Variants in EIPR1 observed in about 807,000 individuals in gnomAD.
EIPR1 encodes the protein EARP complex and GARP complex interacting protein 1, also known as EARP and GARP complex-interacting protein 1.
Under a neutral mutation model 48.1 loss-of-function variants are expected in EIPR1, and 25 were observed. The ratio of observed to expected loss-of-function variants is 0.52; its 90% CI spans 0.38 to 0.73. EIPR1 has a LOEUF of 0.73. EIPR1 is among the 30% of genes least tolerant of loss of function. EIPR1 has a pLI of 0.00. For synonymous variants in EIPR1, 204 were observed against 201.9 expected, an observed-to-expected ratio of 1.01 and a Z score of -0.09; for missense variants, 415 against 506.2, an observed-to-expected ratio of 0.82 and a Z score of 1.73.
intron 3 of EIPR1, among the ~76,000 whole-genome samples, chr2:3,330,327 A>G (rs1452707155): frequency 6.6e-6 from 1 of 152,256 alleles, no homozygotes; most frequent in East Asian, 1.9e-4. Context: ...AATGGCTTGC[A>G]CTAGTATAAC....
chr2:3,366,829 C>T lies in EIPR1; in HGVS notation c.42+10819G>A, dbSNP rs769654759. 6.6e-5 allele frequency among the ~76,000 whole-genome samples: 10 copies of T among 152,126 alleles called. No individual in the cohort carries two copies. In the East Asian group the frequency reaches 1.5e-3, roughly 23 times the overall value. On this transcript the variant is annotated intron_variant, in intron 1 of 8. Coordinates refer to ENST00000382125, the MANE Select transcript of EIPR1 (RefSeq NM_003310.5). ...CAGCACTTTGGGATGCCAAGGCAGA[C>T]GGAACACGAGGTCAGGAGTTCGAGA...
intron 1 of EIPR1, among the ~76,000 whole-genome samples, chr2:3,359,333 T>C (rs537322274): frequency 6.6e-6 from 1 of 152,280 alleles, no homozygotes; most frequent in African/African-American, 2.4e-5. Flanking sequence ...GTGACAACAA[T>C]GAACCGGTAT....
At chr2:3,254,672 A>C (rs1572360031) in intron 4 of EIPR1, among the ~76,000 whole-genome samples, 2 of 152,368 alleles carry the variant, frequency 1.3e-5, no homozygotes, top group East Asian at 1.9e-4. Context: ...GATAGAGTAC[A>C]GATTCGGGGT....
chr2:3,371,298 G>A (rs1309057614), intron 1 of EIPR1, among the ~76,000 whole-genome samples: 1 of 152,168 alleles, frequency 6.6e-6, no homozygotes, highest in Non-Finnish European at 1.5e-5. Flanking sequence ...AAAATGTAAA[G>A]ACCATCGACA....
intron 5 of EIPR1, among the ~76,000 whole-genome samples, chr2:3,201,828 T>A (rs1285956015): frequency 1.3e-5 from 2 of 152,230 alleles, no homozygotes; most frequent in Admixed American, 6.5e-5. Flanking sequence ...TAGCAATGAT[T>A]CGAGTGTACA....
chr2:3,351,059 T>C (rs1441509641), intron 2 of EIPR1, among the ~76,000 whole-genome samples: 3 of 149,554 alleles, frequency 2.0e-5, no homozygotes, highest in African/African-American at 7.3e-5. Context: ...AGTGCAGTGG[T>C]GCGATCTCGG....
chr2:3,208,463 T>G (rs1384738202), intron 5 of EIPR1: 10 of 1,500,356 alleles, frequency 6.7e-6, no homozygotes, highest in Non-Finnish European at 8.0e-6. Flanking sequence ...AGCTTTCCTC[T>G]TCTCATCTGT....
chr2:3,335,371 A>G (rs1448423766), intron 3 of EIPR1, among the ~76,000 whole-genome samples: 1 of 152,168 alleles, frequency 6.6e-6, no homozygotes, highest in Admixed American at 6.5e-5. Flanking sequence ...CAGAAAAAGC[A>G]GAGCTTGCCT....
intron 1 of EIPR1, among the ~76,000 whole-genome samples, chr2:3,369,332 T>C (rs1161258918): frequency 6.6e-6 from 1 of 152,184 alleles, no homozygotes; most frequent in East Asian, 1.9e-4. Context: ...ATTTCTGCAT[T>C]TCCATATGAG....
Position 3,196,909 on chromosome 2 carries a change from G to T in EIPR1, c.625C>A (p.Leu209Ile). Residue 209 changes from leucine (L) to isoleucine (I), a missense_variant, in exon 6 of 9, where the codon CTC becomes ATC. Transcript: ENST00000382125. The part of the protein sequence containing the change: ...TQVATANDTT[L>I]RGWDTRSMSQ... Reference sequence around the variant, plus strand: ...ATGCTCCGGGTGTCCCAGCCACGGAGGGTGGTGTCGTTCGCTGTGGCCACC... The same window carrying T: ...ATGCTCCGGGTGTCCCAGCCACGGATGGTGGTGTCGTTCGCTGTGGCCACC... The T allele has an allele frequency of 6.2e-7, 1 of 1,613,920 alleles. No individual in the cohort carries two copies. Among genetic ancestry groups the T allele is most frequent in the Non-Finnish European group, 8.5e-7 (1 of 1,180,000 alleles).
chr2:3,318,780 G>A (rs1669397237), intron 3 of EIPR1: 5 of 458,876 alleles, frequency 1.1e-5, no homozygotes, highest in South Asian at 1.6e-5. Context: ...ATCTGGTGAC[G>A]TGCTACTCCT....
intron 3 of EIPR1, among the ~76,000 whole-genome samples, chr2:3,263,709 C>T (rs1321416929): frequency 6.6e-6 from 1 of 152,086 alleles, no homozygotes; most frequent in South Asian, 2.1e-4. Flanking sequence ...CGGCCAGCGC[C>T]TTCCCCAGGA....
intron 3 of EIPR1, among the ~76,000 whole-genome samples, chr2:3,267,744 C>T (rs1294388691): frequency 3.9e-5 from 6 of 152,148 alleles, no homozygotes; most frequent in Non-Finnish European, 7.4e-5. Flanking sequence ...CTAGCCTGCA[C>T]CCCATGAGCT....
At chr2:3,309,698 C>T (rs545130820) in intron 3 of EIPR1, among the ~76,000 whole-genome samples, 51 of 152,228 alleles carry the variant, frequency 3.4e-4, no homozygotes, top group African/African-American at 1.1e-3. Context: ...TGAAAATGGC[C>T]GGCGCTCGAC....
intron 4 of EIPR1, among the ~76,000 whole-genome samples, chr2:3,247,160 T>A (rs986310522): frequency 6.6e-6 from 1 of 151,704 alleles, no homozygotes; most frequent in Non-Finnish European, 1.5e-5. Context: ...CTTCTTATTA[T>A]GGATTCTAGT....
intron 3 of EIPR1, among the ~76,000 whole-genome samples, chr2:3,266,390 C>T (rs1667489736): frequency 1.3e-5 from 2 of 152,196 alleles, no homozygotes; most frequent in East Asian, 3.8e-4. Context: ...AGGTACGCCT[C>T]GGGGTGCACA....
chr2:3,336,323 G>A (rs1111657), intron 3 of EIPR1, among the ~76,000 whole-genome samples: 29,828 of 152,062 alleles, frequency 0.2, 4,516 homozygotes, highest in East Asian at 0.58. Context: ...TGGACCAATC[G>A]GCACAGAGAG....
chr2:3,359,320 T>G (rs891238770), intron 1 of EIPR1, among the ~76,000 whole-genome samples: 1 of 152,218 alleles, frequency 6.6e-6, no homozygotes, highest in Non-Finnish European at 1.5e-5. Context: ...AGAAGCTGCT[T>G]GAGTGACAAC....
Position 3,211,085 on chromosome 2 carries a change from C to A in EIPR1, c.516+3064G>T, listed in dbSNP as rs535461969. 1.3e-5 allele frequency among the ~76,000 whole-genome samples: 2 copies of A among 152,130 alleles called. 1 individual carries two copies. The highest frequency in any genetic ancestry group is 4.2e-4 in the South Asian group (2 of 4,810). On this transcript the variant is annotated intron_variant, in intron 5 of 8. Coordinates refer to ENST00000382125, the MANE Select transcript of EIPR1 (RefSeq NM_003310.5). ...ACCCCTGTGACATGCAATTTACCTACGTCGCAAACCTGCACATGCACCTCT... is the reference window on the plus strand; with the variant it reads ...ACCCCTGTGACATGCAATTTACCTAAGTCGCAAACCTGCACATGCACCTCT...
Sources: allele counts gnomAD v4.1 joint callset (sites outside exome capture counted in the v4.1 genomes callset), GRCh38; gene constraint gnomAD v4.1.1; transcripts MANE v1.5; gene names NCBI Gene and HGNC (gene_info 2026-07-23, HGNC 2026-07-21).